Variants in YEATS2 observed in about 807,000 individuals in gnomAD.
YEATS2 encodes YEATS domain containing 2.
A neutral mutation model predicts 163.2 loss-of-function variants in YEATS2; 77 were observed. That is an observed-to-expected ratio of 0.47 (90% confidence interval 0.39 to 0.57). The LOEUF is 0.57. YEATS2 is among the 20% of genes least tolerant of loss of function. The pLI is 0.00. For missense variants in YEATS2, 1,549 were observed against 1,729.8 expected (o/e 0.90, Z 1.85); for synonymous variants, 631 against 645.1 (o/e 0.98, Z 0.33).
chr3:183,719,843 C>T (rs2109049469), intron 4 of YEATS2, among the ~76,000 whole-genome samples: 1 of 152,264 alleles, frequency 6.6e-6, no homozygotes, highest in East Asian at 1.9e-4. Context: ...TCCTGAGTAG[C>T]TAGGACTGCA....
Position 183,773,766 on chromosome 3 carries a change from A to C in YEATS2, c.2340A>C (p.Gly780=). Residue 780 remains glycine (G), a synonymous_variant, in exon 17 of 31, where the codon GGA becomes GGC. Transcript: ENST00000305135. The part of the protein sequence containing the change: ...GKGKLLLIPQ[G]AILRATNNAN... ...GAAAACTGCTGCTGATCCCTCAAGG[A>C]GCCATCCTGCGAGCTACGAACAATG... 1 of 1,610,652 alleles carries C rather than the reference A, an allele frequency of 6.2e-7. No homozygotes were observed. The highest frequency in any genetic ancestry group is 8.5e-7 in the Non-Finnish European group (1 of 1,179,098).
chr3:183,803,479 T>A, intron 26 of YEATS2, 144 bp downstream of exon 26: 1 of 792,590 alleles, frequency 1.3e-6, no homozygotes, highest in Non-Finnish European at 2.0e-6. Flanking sequence ...TTCAAAGACC[T>A]GTATCCAGCT....
chr3:183,743,506 A>AT (rs1469487010), intron 8 of YEATS2, among the ~76,000 whole-genome samples: 3 of 151,734 alleles, frequency 2.0e-5, no homozygotes, highest in Non-Finnish European at 4.4e-5. Context: ...CACTCAGTTA[A>AT]TTTTTTTATT....
At position 183,712,859 on chromosome 3, in the gene YEATS2, C is replaced by T. The variant is rs113890484; in HGVS notation, c.-19-2285C>T. On this transcript the variant is annotated intron_variant, in intron 1 of 30. Coordinates refer to ENST00000305135, the MANE Select transcript of YEATS2 (RefSeq NM_018023.5). ...CGCTGCAACCTCTGCCTCCTGGATTCAAGTGATTCTCCTGCCTTAGCCTCA... is the reference window on the plus strand; with the variant it reads ...CGCTGCAACCTCTGCCTCCTGGATTTAAGTGATTCTCCTGCCTTAGCCTCA... Among the ~76,000 whole-genome samples, 1,435 of 151,726 alleles carry T rather than the reference C, an allele frequency of 9.5e-3. 11 individuals carry two copies. Among genetic ancestry groups the T allele is most frequent in the Middle Eastern group, 0.031 (9 of 292 alleles).
intron 10 of YEATS2, among the ~76,000 whole-genome samples, chr3:183,753,333 T>A (rs1720382280): frequency 6.6e-6 from 1 of 152,214 alleles, no homozygotes; most frequent in African/African-American, 2.4e-5. Flanking sequence ...ATAAAATTGA[T>A]CTTAAATGTT....
intron 27 of YEATS2, among the ~76,000 whole-genome samples, 159 bp downstream of exon 27, chr3:183,804,347 T>C (rs1224887766): frequency 6.6e-6 from 1 of 152,222 alleles, no homozygotes; most frequent in Admixed American, 6.5e-5. Context: ...ATGTTGCTGT[T>C]TGTAGCCAGG....
chr3:183,762,375 G>A lies in YEATS2; in HGVS notation c.1947+96G>A, dbSNP rs1721457126. 2.1e-6 allele frequency: 3 copies of A among 1,421,708 alleles called. No homozygotes were observed. In the East Asian group the frequency reaches 7.0e-5, roughly 33 times the overall value. The allele number at this position is 1,421,708 out of a possible 1,614,324, so 88.1% of individuals were successfully genotyped here. A position where few individuals can be genotyped will look rare whatever the true frequency, so the allele number is the denominator to read the frequency against. On this transcript the variant is annotated intron_variant, in intron 15 of 30. Coordinates refer to ENST00000305135, the MANE Select transcript of YEATS2 (RefSeq NM_018023.5). ...TGAAAAGATTCACGGTGACAGGGTT[G>A]ATGATCCCATAAGAACCTGTGGGTG...
intron 8 of YEATS2, among the ~76,000 whole-genome samples, chr3:183,743,232 AAT>A (rs1719162386): frequency 6.6e-6 from 1 of 152,234 alleles, no homozygotes; most frequent in East Asian, 1.9e-4. Flanking sequence ...AAACAAAAGA[AAT>A]ATACCAAAAA....
rs143473253 is a variant in YEATS2, at chr3:183,789,525, A to ATTTTTTTTTT, written c.2914-1253_2914-1244dup. ...TTAGGTTTCAGATTCATTCGAGTTA[A>ATTTTTTTTTT]TTTTTTTTTTTTTTTTTTTTTTTTT... On this transcript the variant is annotated intron_variant, in intron 20 of 30. Transcript: ENST00000305135. Among the ~76,000 whole-genome samples the ATTTTTTTTTT allele has an allele frequency of 2.4e-3, 162 of 66,356 alleles. 26 individuals are homozygous for ATTTTTTTTTT. The highest frequency in any genetic ancestry group is 5.3e-3 in the African/African-American group (77 of 14,618). 43.5% of individuals were successfully genotyped at this position (66,356 alleles called of 152,430 possible).
intron 19 of YEATS2, among the ~76,000 whole-genome samples, chr3:183,782,173 G>T (rs1456167985): frequency 3.3e-5 from 5 of 151,884 alleles, no homozygotes; most frequent in African/African-American, 7.3e-5. Flanking sequence ...GCAGTGGTGC[G>T]ATCTTGGCTC....
At chr3:183,710,968 T>C (rs1715134161) in intron 1 of YEATS2, among the ~76,000 whole-genome samples, 1 of 152,242 alleles carries the variant, frequency 6.6e-6, no homozygotes, top group African/African-American at 2.4e-5. Context: ...TTTAGGTATC[T>C]GCTGGGCTAT....
chr3:183,752,294 A>C (rs1404333215), intron 10 of YEATS2, 41 bp downstream of exon 10: 1 of 1,610,022 alleles, frequency 6.2e-7, no homozygotes, highest in Non-Finnish European at 8.5e-7. Context: ...GTTCTGAGGC[A>C]TTCCTTTCCC....
At chr3:183,789,524 A>ATTTT (rs1560317945) in intron 20 of YEATS2, among the ~76,000 whole-genome samples, 1 of 77,062 alleles carries the variant, frequency 1.3e-5, no homozygotes, top group Non-Finnish European at 2.5e-5. Context: ...CATTCGAGTT[A>ATTTT]ATTTTTTTTT....
At chr3:183,763,033 A>G (rs1721534099) in intron 15 of YEATS2, among the ~76,000 whole-genome samples, 1 of 151,428 alleles carries the variant, frequency 6.6e-6, no homozygotes, top group Admixed American at 6.6e-5. Flanking sequence ...CCTGGGTGAC[A>G]GAGAGAGACT....
chr3:183,725,223 A>T (rs1418853025), intron 6 of YEATS2, among the ~76,000 whole-genome samples: 1 of 152,050 alleles, frequency 6.6e-6, no homozygotes, highest in Non-Finnish European at 1.5e-5. Flanking sequence ...GTTTGTTCCA[A>T]AATATTGCTA....
chr3:183,749,242 C>T (rs951519025), intron 9 of YEATS2, among the ~76,000 whole-genome samples: 6 of 152,132 alleles, frequency 3.9e-5, no homozygotes, highest in East Asian at 1.9e-4. Flanking sequence ...GGCGCCCGGC[C>T]GGTTCATATA....
intron 15 of YEATS2, among the ~76,000 whole-genome samples, chr3:183,766,219 G>T (rs1721890629): frequency 1.3e-5 from 2 of 152,214 alleles, no homozygotes; most frequent in Non-Finnish European, 2.9e-5. Context: ...TGTAACCTGT[G>T]CAGGTTCTGA....
At chr3:183,790,213 C>T (rs1724476389) in intron 20 of YEATS2, among the ~76,000 whole-genome samples, 1 of 152,182 alleles carries the variant, frequency 6.6e-6, no homozygotes. Context: ...CTGTACCCTC[C>T]TGTTTCTATT....
At chr3:183,803,937 T>C (rs934054437) in intron 26 of YEATS2, 50 bp from the exon 27 acceptor site, 17 of 1,589,980 alleles carry the variant, frequency 1.1e-5, no homozygotes, top group Non-Finnish European at 1.5e-5. Context: ...CGTAGTTGTG[T>C]TAAGTGGAAG....
Sources: allele counts gnomAD v4.1 joint callset (sites outside exome capture counted in the v4.1 genomes callset), GRCh38; gene constraint gnomAD v4.1.1; transcripts MANE v1.5; gene names NCBI Gene and HGNC (gene_info 2026-07-23, HGNC 2026-07-21).